Variants in DDX27 observed in about 807,000 individuals in gnomAD.
The protein encoded by DDX27 is probable ATP-dependent RNA helicase DDX27.
Under a neutral mutation model 99.3 loss-of-function variants are expected in DDX27, and 42 were observed. The ratio of observed to expected loss-of-function variants is 0.42; its 90% CI spans 0.33 to 0.55. DDX27 has a LOEUF of 0.55. Among genes scored for constraint, DDX27 ranks in the 20% least tolerant of loss-of-function variants. DDX27 has a pLI of 0.07. For synonymous variants in DDX27, 329 were observed against 353.8 expected, an observed-to-expected ratio of 0.93 and a Z score of 0.79; for missense variants, 798 against 976.8, an observed-to-expected ratio of 0.82 and a Z score of 2.44.
chr20:49,238,458 T>C (rs1189775326), intron 14 of DDX27: 1 of 148,854 alleles, frequency 6.7e-6, no homozygotes, highest in Non-Finnish European at 1.4e-5. Context: ...TGTGCCACCA[T>C]GATGGCTAAT....
Position 49,235,008 on chromosome 20 carries a change from C to T in DDX27, c.1347C>T (p.His449=). ...CCAAGAAGCAGGCCCACCGCATGCA[C>T]ATCCTCCTGGGGCTCATGGGGCTGC... The part of the protein sequence containing the change: ...TQTKKQAHRM[H]ILLGLMGLQV... The change falls in exon 12 of 21, where the codon CAC becomes CAT. Residue 449 remains histidine (H), a synonymous_variant. Transcript: ENST00000618172. The T allele has an allele frequency of 6.2e-7, 1 of 1,613,744 alleles. No homozygotes were observed. Among genetic ancestry groups the T allele is most frequent in the Non-Finnish European group, 8.5e-7 (1 of 1,179,818 alleles).
intron 10 of DDX27, 37 bp downstream of exon 10, chr20:49,233,442 G>A (rs1226387717): frequency 6.2e-7 from 1 of 1,608,018 alleles, no homozygotes; most frequent in Non-Finnish European, 8.5e-7. Flanking sequence ...GGTGGCAGGT[G>A]TGCCCAGAGG....
At chr20:49,235,415 G>A in intron 12 of DDX27, 1 of 231,908 alleles carries the variant, frequency 4.3e-6, no homozygotes, top group East Asian at 9.1e-5. Context: ...AACATTCCTG[G>A]GTCTGATTGA....
chr20:49,225,052 C>T (rs184932692), intron 5 of DDX27, 61 bp downstream of exon 5: 30 of 1,612,144 alleles, frequency 1.9e-5, no homozygotes, highest in South Asian at 1.4e-4. Flanking sequence ...AGTTTAAGGT[C>T]GTTTGGGTTT....
chr20:49,225,116 G>A lies in DDX27; in HGVS notation c.517G>A (p.Ala173Thr), dbSNP rs777071675. 12 of 1,613,804 alleles carry A rather than the reference G, an allele frequency of 7.4e-6. No individual in the cohort carries two copies. Among genetic ancestry groups the A allele is most frequent in the Non-Finnish European group, 8.5e-6 (10 of 1,179,814 alleles). The part of the protein sequence containing the change: ...RKKKKKKGQE[A>T]GGFFEDASQY... Reference sequence around the variant, plus strand: ...CTCTTTTGGTTTTCTGGTGTAGGAAGCAGGAGGATTTTTTGAAGATGCATC... The same window carrying A: ...CTCTTTTGGTTTTCTGGTGTAGGAAACAGGAGGATTTTTTGAAGATGCATC... The change falls in exon 6 of 21, where the codon GCA becomes ACA. Residue 173 changes from alanine (A) to threonine (T), a missense_variant. This residue lies in a region of DDX27 where 245 missense variants were observed against 248.8 expected (regional missense o/e 0.98). Transcript: ENST00000618172.
intron 4 of DDX27, 114 bp downstream of exon 4, chr20:49,223,547 C>A: frequency 1.0e-6 from 1 of 1,004,268 alleles, no homozygotes; most frequent in Non-Finnish European, 1.4e-6. Flanking sequence ...AGCTGTTCTG[C>A]CTACTACATT....
chr20:49,225,718 G>A (rs572140041), intron 6 of DDX27, among the ~76,000 whole-genome samples: 1 of 152,232 alleles, frequency 6.6e-6, no homozygotes, highest in African/African-American at 2.4e-5. Flanking sequence ...GCCTCCCAAA[G>A]TGCTGGGACT....
intron 18 of DDX27, 152 bp from the exon 19 acceptor site, chr20:49,242,442 G>A: frequency 9.7e-7 from 1 of 1,032,258 alleles, no homozygotes; most frequent in Non-Finnish European, 1.4e-6. Context: ...GGCCTCACCA[G>A]CTGCTACTTG....
Position 49,223,377 on chromosome 20 carries a change from A to C in DDX27, c.410A>C (p.Asp137Ala). Residue 137 changes from aspartate to alanine, a missense_variant, in exon 4 of 21, where the codon GAT (aspartate) becomes GCT (alanine). This residue lies in a region of DDX27 where 245 missense variants were observed against 248.8 expected (regional missense o/e 0.98). Coordinates refer to ENST00000618172, the MANE Select transcript of DDX27 (RefSeq NM_017895.8). Reference sequence around the variant, plus strand: ...GAGAATGATGAGGAAGGCTCAGAAGATGAAGCCTCGGAGACTGACTACTCA... The same window carrying C: ...GAGAATGATGAGGAAGGCTCAGAAGCTGAAGCCTCGGAGACTGACTACTCA... Reference protein sequence around the residue: ...LQENDEEGSEDEASETDYSSA... With the variant: ...LQENDEEGSEAEASETDYSSA... 6.2e-7 allele frequency: 1 copy of C among 1,614,034 alleles called. No homozygotes were observed. The highest frequency in any genetic ancestry group is 8.5e-7 in the Non-Finnish European group (1 of 1,180,000).
chr20:49,242,510 C>A, intron 18 of DDX27, 84 bp from the exon 19 acceptor site: 2 of 1,354,626 alleles, frequency 1.5e-6, no homozygotes, highest in Non-Finnish European at 2.1e-6. Flanking sequence ...ATCCACTGAA[C>A]TTGGAATCAT....
At chr20:49,243,770 A>G (rs780214382) in intron 20 of DDX27, 46 bp from the exon 21 acceptor site, 6 of 1,613,750 alleles carry the variant, frequency 3.7e-6, no homozygotes, top group Non-Finnish European at 5.1e-6. Context: ...CATGGAAAAG[A>G]AGCTTCTCCA....
rs913434773 is a variant in DDX27, at chr20:49,243,652, A to C, written c.2228A>C (p.Gln743Pro). 6.2e-6 allele frequency: 10 copies of C among 1,614,086 alleles called. No individual in the cohort carries two copies. Among genetic ancestry groups the C allele is most frequent in the East Asian group, 4.5e-5 (2 of 44,894 alleles). ...AGCCCTTCCTTTGAAGAAAGGAAAC[A>C]GTTGGGCTTGCCCCACCAGAGACGA... ...RAGPSFEERKQLGLPHQRRGG... is the reference protein window; with the variant it reads ...RAGPSFEERKPLGLPHQRRGG... Residue 743 changes from glutamine to proline, a missense_variant, in exon 20 of 21, where the codon CAG becomes CCG. This residue lies in a region of DDX27 where 553 missense variants were observed against 727.9 expected (regional missense o/e 0.76). Transcript: ENST00000618172.
Position 49,226,414 on chromosome 20 carries a change from G to A in DDX27, c.601-16G>A. On this transcript the variant is annotated splice_polypyrimidine_tract_variant and intron_variant, in intron 6 of 20. Transcript: ENST00000618172. The stretch of plus-strand genomic sequence containing the variant: ...CCCCCGCTCAACCCTGTCTGACCCA[G>A]TTCTTTTTTCCTCAGGCCATTACAG... 2 of 1,610,400 alleles carry A rather than the reference G, an allele frequency of 1.2e-6. No homozygotes were observed. Among genetic ancestry groups the A allele is most frequent in the East Asian group, 2.2e-5 (1 of 44,776 alleles).
At chr20:49,234,754 T>G (rs921257942) in intron 11 of DDX27, 181 bp from the exon 12 acceptor site, 2 of 626,474 alleles carry the variant, frequency 3.2e-6, no homozygotes, top group Admixed American at 3.7e-5. Flanking sequence ...TCTCACAGCA[T>G]TTTTCACCCC....
At chr20:49,243,774 T>C in intron 20 of DDX27, 42 bp from the exon 21 acceptor site, 1 of 1,614,166 alleles carries the variant, frequency 6.2e-7, no homozygotes, top group South Asian at 1.1e-5. Flanking sequence ...GAAAAGAAGC[T>C]TCTCCATCCT....
chr20:49,224,569 G>C (rs1334439318), intron 4 of DDX27, among the ~76,000 whole-genome samples: 1 of 152,064 alleles, frequency 6.6e-6, no homozygotes, highest in Non-Finnish European at 1.5e-5. Flanking sequence ...CACCATGTTG[G>C]ACAGGCTGGT....
At chr20:49,221,745 C>A (rs1979695690) in intron 2 of DDX27, 147 bp downstream of exon 2, 17 of 573,332 alleles carry the variant, frequency 3.0e-5, no homozygotes, top group East Asian at 7.7e-5. Context: ...TAAAAAAAAA[C>A]AAAAGAAAAT....
At chr20:49,227,838 ATTTT>A (rs35354294) in intron 7 of DDX27, among the ~76,000 whole-genome samples, 22 of 125,822 alleles carry the variant, frequency 1.7e-4, no homozygotes, top group Admixed American at 2.4e-4. Context: ...AGAGGAGGAA[ATTTT>A]TTTTTTTTTT....
intron 16 of DDX27, among the ~76,000 whole-genome samples, chr20:49,239,657 T>C (rs111645782): frequency 9.8e-5 from 15 of 152,316 alleles, no homozygotes; most frequent in African/African-American, 3.4e-4. Context: ...CACGTCCTGC[T>C]GTGCAGCCTG....
Sources: gnomAD v4.1 joint callset for allele counts (sites outside exome capture counted in the v4.1 genomes callset) on GRCh38, gnomAD v4.1.1 for gene constraint, gnomAD v4.1.1 regional missense constraint, MANE v1.5 for transcripts, NCBI Gene and HGNC (gene_info 2026-07-23, HGNC 2026-07-21) for gene names.